The following PIK3R6 variants were observed in gnomAD, a reference collection of about 807,000 sequenced individuals.
PIK3R6 encodes phosphoinositide-3-kinase regulatory subunit 6.
PIK3R6 carries 91 observed loss-of-function variants against 84.9 expected under a neutral mutation model. The ratio of observed to expected loss-of-function variants is 1.07; its 90% CI spans 0.90 to 1.28. PIK3R6 has a LOEUF of 1.28. PIK3R6 is among the 50% of genes most tolerant of loss of function. The pLI is 0.00. For missense variants in PIK3R6, 996 were observed against 985.1 expected (o/e 1.01, Z -0.15); for synonymous variants, 416 against 411.4 (o/e 1.01, Z -0.13).
At chr17:8,840,347 A>G (rs1296104225) in intron 2 of PIK3R6, among the ~76,000 whole-genome samples, 17 of 134,724 alleles carry the variant, frequency 1.3e-4, no homozygotes, top group African/African-American at 3.8e-4. Context: ...TGAAATATAT[A>G]TAGCCTCCAA....
intron 2 of PIK3R6, among the ~76,000 whole-genome samples, chr17:8,840,661 T>C (rs1314998974): frequency 1.4e-5 from 2 of 147,520 alleles, no homozygotes; most frequent in Non-Finnish European, 3.0e-5. Context: ...TCCAAATATA[T>C]ATGAAATATA....
At chr17:8,858,283 A>G (rs1300307569) in intron 1 of PIK3R6, among the ~76,000 whole-genome samples, 32 of 142,090 alleles carry the variant, frequency 2.3e-4, no homozygotes, top group Non-Finnish European at 4.6e-5. Flanking sequence ...GCACCAAACC[A>G]TGCCTCTGAA....
At chr17:8,829,633 C>G (rs2088160324) in intron 10 of PIK3R6, 73 bp downstream of exon 10, 1 of 1,422,830 alleles carries the variant, frequency 7.0e-7, no homozygotes, top group Admixed American at 2.0e-5. Flanking sequence ...CACACTGACA[C>G]ACACTCATGC....
At chr17:8,861,328 C>T (rs531469807) in intron 1 of PIK3R6, among the ~76,000 whole-genome samples, 42 of 152,256 alleles carry the variant, frequency 2.8e-4, no homozygotes, top group African/African-American at 9.4e-4. Context: ...ACACAGGGCC[C>T]ATAGAAGTCT....
intron 1 of PIK3R6, among the ~76,000 whole-genome samples, chr17:8,861,583 C>T (rs1171248182): frequency 6.6e-6 from 1 of 152,206 alleles, no homozygotes; most frequent in African/African-American, 2.4e-5. Flanking sequence ...TGAAGCGTCC[C>T]TTTGTTCAGT....
At chr17:8,837,346 T>C (rs8069307) in intron 5 of PIK3R6, among the ~76,000 whole-genome samples, 1 of 151,858 alleles carries the variant, frequency 6.6e-6, no homozygotes, top group Non-Finnish European at 1.5e-5. Flanking sequence ...CCCCTCTCCC[T>C]CCCGACCTCA....
At chr17:8,864,682 C>T (rs533238876) in intron 1 of PIK3R6, among the ~76,000 whole-genome samples, 12 of 151,866 alleles carry the variant, frequency 7.9e-5, no homozygotes, top group South Asian at 2.1e-4. Context: ...GGACCACAGG[C>T]GCCCGCCACC....
chr17:8,857,439 C>A (rs1390876446), intron 1 of PIK3R6, among the ~76,000 whole-genome samples: 1 of 149,712 alleles, frequency 6.7e-6, no homozygotes, highest in East Asian at 1.9e-4. Context: ...CTTCCTTTCC[C>A]CTCTGTAAAC....
Position 8,803,920 on chromosome 17 carries a change from G to T in PIK3R6, c.2108+121C>A. 1 of 840,332 alleles carries T rather than the reference G, an allele frequency of 1.2e-6. No homozygotes were observed. Among genetic ancestry groups the T allele is most frequent in the Non-Finnish European group, 1.9e-6 (1 of 519,384 alleles). 52.1% of individuals were successfully genotyped at this position (840,332 alleles called of 1,614,324 possible). On this transcript the variant is annotated intron_variant, in intron 19 of 19. Transcript: ENST00000619866. The surrounding 1 kb of genome is among the most constrained non-coding windows in gnomAD (Gnocchi z 5.0). Reference sequence around the variant, plus strand: ...CATCCTCACCAAGGTTACCTGCCTGGCCACAGGATCTACCTCCGATGAGGT... The same window carrying T: ...CATCCTCACCAAGGTTACCTGCCTGTCCACAGGATCTACCTCCGATGAGGT...
rs189613118 is a variant in PIK3R6, at chr17:8,842,141, G to T, written c.14-2444C>A. Among the ~76,000 whole-genome samples, 67 of 152,176 alleles carry T rather than the reference G, an allele frequency of 4.4e-4. No individual in the cohort carries two copies. The highest frequency in any genetic ancestry group is 8.7e-4 in the Non-Finnish European group (59 of 67,998). ...AGCCCCTTATCAGAAGCAGATGCTG[G>T]CACCCTGCTTCTTGTACAGCCTGCA... On this transcript the variant is annotated intron_variant, in intron 2 of 19. Coordinates refer to ENST00000619866, the MANE Select transcript of PIK3R6 (RefSeq NM_001010855.4). The surrounding 1 kb of genome is among the most constrained non-coding windows in gnomAD (Gnocchi z 4.5).
At chr17:8,808,841 C>T (rs1484104662) in intron 18 of PIK3R6, among the ~76,000 whole-genome samples, 1 of 152,120 alleles carries the variant, frequency 6.6e-6, no homozygotes, top group African/African-American at 2.4e-5. Context: ...AAGTAATAGT[C>T]AGGCATGTAG....
At chr17:8,841,163 A>AC (rs1425164903) in intron 2 of PIK3R6, among the ~76,000 whole-genome samples, 1 of 151,742 alleles carries the variant, frequency 6.6e-6, no homozygotes, top group Admixed American at 6.6e-5. Context: ...GGTAGTCTCC[A>AC]CCCCCCGCCC....
rs759188865 is a variant in PIK3R6, at chr17:8,832,375, CTTT to C, written c.802+511_802+513del. Among the ~76,000 whole-genome samples the C allele has an allele frequency of 1.3e-3, 99 of 77,802 alleles. No individual in the cohort carries two copies. In the South Asian group the frequency reaches 0.037, roughly 29 times the overall value. The allele number at this position is 77,802 out of a possible 152,430, so 51.0% of individuals were successfully genotyped here. ...TTATCATGACCAAATTACCCACCTTCTTTTTTTTTTTTTTTTTTTTTTTTTGAG... is the reference window on the plus strand; with the variant it reads ...TTATCATGACCAAATTACCCACCTTCTTTTTTTTTTTTTTTTTTTTTTGAG... On this transcript the variant is annotated intron_variant, in intron 9 of 19. Transcript: ENST00000619866.
chr17:8,829,673 C>T, intron 10 of PIK3R6, 33 bp downstream of exon 10: 1 of 1,536,650 alleles, frequency 6.5e-7, no homozygotes, highest in Non-Finnish European at 8.8e-7. Context: ...CAGACATATA[C>T]CACTGTTTCC....
Position 8,820,847 on chromosome 17 carries a change from G to A in PIK3R6, c.1879+999C>T, listed in dbSNP as rs79109265. Among the ~76,000 whole-genome samples, 1,240 of 152,320 alleles carry A rather than the reference G, an allele frequency of 8.1e-3. 9 individuals are homozygous for A. The highest frequency in any genetic ancestry group is 0.02 in the Middle Eastern group (6 of 294). ...GATTTCAGAGATGGAGTAAATACTCGTGGTTGGATAGGAGAGGAGGGATCA... is the reference window on the plus strand; with the variant it reads ...GATTTCAGAGATGGAGTAAATACTCATGGTTGGATAGGAGAGGAGGGATCA... On this transcript the variant is annotated intron_variant, in intron 17 of 19. Transcript: ENST00000619866.
intron 1 of PIK3R6, among the ~76,000 whole-genome samples, chr17:8,858,040 T>C (rs1343510834): frequency 2.0e-5 from 3 of 152,246 alleles, no homozygotes; most frequent in African/African-American, 7.2e-5. Flanking sequence ...TTTCTATATA[T>C]TTGTGCAGGT....
rs995822234 is a variant in PIK3R6 at position 8,862,027 on chromosome 17, C to T, written c.-92+5502G>A. On this transcript the variant is annotated intron_variant, in intron 1 of 19. Coordinates refer to ENST00000619866, the MANE Select transcript of PIK3R6 (RefSeq NM_001010855.4). The surrounding 1 kb of genome is among the most constrained non-coding windows in gnomAD (Gnocchi z 4.3). Reference sequence around the variant, plus strand: ...TGGCCACAGTGTATGATAAGTGCTTCATTAAGATAGAAAGGGCATTAAATG... The same window carrying T: ...TGGCCACAGTGTATGATAAGTGCTTTATTAAGATAGAAAGGGCATTAAATG... Among the ~76,000 whole-genome samples, 1 of 152,176 alleles carries T rather than the reference C, an allele frequency of 6.6e-6. No homozygotes were observed. The highest frequency in any genetic ancestry group is 1.9e-4 in the East Asian group (1 of 5,196).
chr17:8,850,846 G>A (rs2088939309), intron 1 of PIK3R6, among the ~76,000 whole-genome samples: 1 of 152,156 alleles, frequency 6.6e-6, no homozygotes, highest in African/African-American at 2.4e-5. Context: ...TGTCGCACAT[G>A]GTTTTCTAGG....
chr17:8,829,266 G>T (rs984148446), intron 10 of PIK3R6, among the ~76,000 whole-genome samples: 1 of 144,976 alleles, frequency 6.9e-6, no homozygotes, highest in African/African-American at 2.6e-5. Context: ...TACACACACA[G>T]ACACACTGAC....
Sources: gnomAD v4.1 joint callset for allele counts (sites outside exome capture counted in the v4.1 genomes callset) on GRCh38, gnomAD v4.1.1 for gene constraint, Gnocchi (gnomAD v3.1) non-coding constraint, MANE v1.5 for transcripts, NCBI Gene and HGNC (gene_info 2026-07-23, HGNC 2026-07-21) for gene names.